Variants in KMT2E observed in about 807,000 individuals in gnomAD.
KMT2E encodes the protein lysine methyltransferase 2E (inactive).
KMT2E carries 30 observed loss-of-function variants against 184.6 expected under a neutral mutation model. The observed-to-expected ratio is 0.16, with a 90% CI of 0.12 to 0.22. The LOEUF is 0.22. Ranked by LOEUF, KMT2E falls within the 10% of genes least tolerant of loss-of-function variation. The probability of loss-of-function intolerance (pLI) is 1.00; values close to 1 mark genes in which losing one functional copy is unlikely to be tolerated. For synonymous variants in KMT2E, 815 were observed against 776.5 expected (o/e 1.05, Z -0.82); for missense variants, 2,023 against 2,237.4 (o/e 0.90, Z 1.93).
chr7:105,114,996 G>GAAAT lies in KMT2E; in HGVS notation c.*1667_*1670dup, dbSNP rs1799545688. Among the ~76,000 whole-genome samples the GAAAT allele has an allele frequency of 6.6e-6, 1 of 152,172 alleles. No individual in the cohort carries two copies. The highest frequency in any genetic ancestry group is 6.6e-5 in the Admixed American group (1 of 15,266). On this transcript the variant is annotated 3_prime_UTR_variant, in exon 27 of 27. Transcript: ENST00000311117. ...AACAGAATAAAGGTAACTAGCATGTGAAATAAAAATATTCTTCTTAAAAGG... is the reference window on the plus strand; with the variant it reads ...AACAGAATAAAGGTAACTAGCATGTGAAATAAATAAAAATATTCTTCTTAAAAGG...
At chr7:105,043,605 G>T (rs1410116201) in intron 3 of KMT2E, among the ~76,000 whole-genome samples, 1 of 152,078 alleles carries the variant, frequency 6.6e-6, no homozygotes, top group East Asian at 1.9e-4. Flanking sequence ...GTTTTTTAAT[G>T]AATAAGGACA....
At chr7:105,042,656 A>T (rs1795932804) in intron 3 of KMT2E, among the ~76,000 whole-genome samples, 1 of 152,232 alleles carries the variant, frequency 6.6e-6, no homozygotes, top group Non-Finnish European at 1.5e-5. Context: ...TAGTTAATAG[A>T]GGAGTAAAAT....
chr7:105,068,127 A>G (rs114785477), intron 6 of KMT2E, among the ~76,000 whole-genome samples: 16 of 152,268 alleles, frequency 1.1e-4, no homozygotes, highest in African/African-American at 3.9e-4. Context: ...TACAGTGTGC[A>G]TGTTTAGGGA....
intron 1 of KMT2E, among the ~76,000 whole-genome samples, chr7:105,023,862 A>G (rs1294152834): frequency 6.6e-6 from 1 of 152,258 alleles, no homozygotes; most frequent in Non-Finnish European, 1.5e-5. Flanking sequence ...GTATATACAC[A>G]GATGGTAATA....
chr7:105,031,812 G>A (rs1363400287), intron 1 of KMT2E, among the ~76,000 whole-genome samples: 1 of 151,698 alleles, frequency 6.6e-6, no homozygotes, highest in African/African-American at 2.4e-5. Context: ...GCTCATGCCT[G>A]TAATCCCTGC....
Position 105,110,849 on chromosome 7 carries a change from G to A in KMT2E, c.4049G>A (p.Ser1350Asn), listed in dbSNP as rs1216990466. Residue 1350 changes from serine (S) to asparagine (N), a missense_variant, in exon 26 of 27, where the codon AGT becomes AAT. Ser to Asn is a conservative substitution (Grantham distance 46). This residue lies in a region of KMT2E where 1,108 missense variants were observed against 1,050.9 expected (regional missense o/e 1.05). Coordinates refer to ENST00000311117, the MANE Select transcript of KMT2E (RefSeq NM_182931.3). ...SPDTSQNTCK[S>N]PPKMSKPGSP... The stretch of plus-strand genomic sequence containing the variant: ...GATACTTCTCAAAATACTTGTAAAA[G>A]TCCTCCAAAAATGAGCAAGGTAATA... 2 of 1,613,486 alleles carry A rather than the reference G, an allele frequency of 1.2e-6. No homozygotes were observed. Among genetic ancestry groups the A allele is most frequent in the Non-Finnish European group, 1.7e-6 (2 of 1,179,444 alleles).
chr7:105,106,224 C>G (rs1798893067), intron 19 of KMT2E, among the ~76,000 whole-genome samples: 1 of 152,154 alleles, frequency 6.6e-6, no homozygotes, highest in African/African-American at 2.4e-5. Flanking sequence ...TCTGGACTGG[C>G]TGCTTTTCAG....
Position 105,050,611 on chromosome 7 carries a change from AT to A in KMT2E, c.71+9596del, listed in dbSNP as rs200814025. 3.2e-3 allele frequency among the ~76,000 whole-genome samples: 476 copies of A among 147,726 alleles called. 5 individuals are homozygous for A. The highest frequency in any genetic ancestry group is 0.01 in the African/African-American group (413 of 40,292). ...TGGTTATTGTTTTTTAGGCTCATCT[AT>A]TTTTTTTCCTTTTCTTTTCTTTTCT... is the stretch of plus-strand genomic sequence containing the variant. On this transcript the variant is annotated intron_variant, in intron 3 of 26. Transcript: ENST00000311117.
chr7:105,114,222 TG>T lies in KMT2E; in HGVS notation c.*890del, dbSNP rs1215478938. The T allele has an allele frequency of 6.6e-6, 1 of 152,216 alleles. No individual in the cohort carries two copies. Among genetic ancestry groups the T allele is most frequent in the African/African-American group, 2.4e-5 (1 of 41,452 alleles). 9.4% of individuals were successfully genotyped at this position (152,216 alleles called of 1,614,324 possible). On this transcript the variant is annotated 3_prime_UTR_variant, in exon 27 of 27. Transcript: ENST00000311117. ...TCAGCAACAGGAGGCAGCAAGGGGC[TG>T]TTCCTGTGGTGGTTTCTGTTTGCAT...
intron 14 of KMT2E, 76 bp from the exon 15 acceptor site, chr7:105,091,140 C>G: frequency 4.5e-6 from 3 of 665,706 alleles, no homozygotes; most frequent in Non-Finnish European, 8.0e-6. Flanking sequence ...GGTTGAAAGA[C>G]ATTAAAATAG....
intron 1 of KMT2E, among the ~76,000 whole-genome samples, chr7:105,024,341 G>T (rs1424059349): frequency 6.6e-6 from 1 of 152,138 alleles, no homozygotes; most frequent in Non-Finnish European, 1.5e-5. Flanking sequence ...TCTTAATTCG[G>T]TGTTTAAACA....
intron 14 of KMT2E, among the ~76,000 whole-genome samples, chr7:105,090,693 G>C (rs999616991): frequency 6.6e-6 from 1 of 152,076 alleles, no homozygotes; most frequent in Non-Finnish European, 1.5e-5. Context: ...AATTCACTAA[G>C]AACATATAAG....
At chr7:105,094,398 T>C (rs1314202781) in intron 15 of KMT2E, among the ~76,000 whole-genome samples, 2 of 152,188 alleles carry the variant, frequency 1.3e-5, no homozygotes, top group South Asian at 2.1e-4. Context: ...ATTATGGAGA[T>C]ACAGGTTGAG....
At position 105,098,060 on chromosome 7, in the gene KMT2E, A is replaced by G. The variant is rs150898629; in HGVS notation, c.1723-3365A>G. ...ACACAAGCCATACGTGTTATTTTGG[A>G]ATGATTTTTATTAGTAACAAATAAT... On this transcript the variant is annotated intron_variant, in intron 15 of 26. Transcript: ENST00000311117. Among the ~76,000 whole-genome samples, 787 of 152,272 alleles carry G rather than the reference A, an allele frequency of 5.2e-3. 1 individual carries two copies. The highest frequency in any genetic ancestry group is 8.3e-3 in the Non-Finnish European group (562 of 68,014).
intron 13 of KMT2E, among the ~76,000 whole-genome samples, chr7:105,087,822 G>C (rs902202111): frequency 7.8e-6 from 1 of 128,612 alleles, no homozygotes; most frequent in African/African-American, 2.8e-5. Flanking sequence ...CTGTTTTCTT[G>C]CTTTTTTTTT....
At chr7:105,016,514 A>G (rs1023335585) in intron 1 of KMT2E, among the ~76,000 whole-genome samples, 7 of 152,186 alleles carry the variant, frequency 4.6e-5, no homozygotes, top group African/African-American at 7.2e-5. Flanking sequence ...TCTTGAATCC[A>G]TTTTATGCTA....
intron 3 of KMT2E, among the ~76,000 whole-genome samples, chr7:105,057,489 G>T (rs114503723): frequency 2.7e-4 from 41 of 152,114 alleles, no homozygotes; most frequent in African/African-American, 9.9e-4. Flanking sequence ...TGTCAACCCA[G>T]GCTGGAGTAC....
chr7:105,059,990 T>TGTTGTTG (rs1562898249), intron 3 of KMT2E, among the ~76,000 whole-genome samples: 1 of 66,766 alleles, frequency 1.5e-5, no homozygotes, highest in African/African-American at 1.1e-4. Flanking sequence ...TTTTTTTTTT[T>TGTTGTTG]TTTTTTTTTT....
intron 19 of KMT2E, 34 bp downstream of exon 19, chr7:105,106,037 A>G (rs1455045998): frequency 6.3e-7 from 1 of 1,589,072 alleles, no homozygotes; most frequent in Non-Finnish European, 8.6e-7. Context: ...TGGTTTGAGA[A>G]ATGTGGCAGG....
Sources: gnomAD v4.1 joint callset for allele counts (sites outside exome capture counted in the v4.1 genomes callset) on GRCh38, gnomAD v4.1.1 for gene constraint, gnomAD v4.1.1 regional missense constraint, MANE v1.5 for transcripts, NCBI Gene and HGNC (gene_info 2026-07-23, HGNC 2026-07-21) for gene names.